LAMA3: variants seen among roughly 807,000 people sequenced by gnomAD.
LAMA3 encodes laminin subunit alpha 3, also known as laminin subunit alpha-3.
A neutral mutation model predicts 402.0 loss-of-function variants in LAMA3; 281 were observed. The observed-to-expected ratio is 0.70, with a 90% CI of 0.63 to 0.77. The LOEUF (loss-of-function observed/expected upper bound fraction) is 0.77, where lower values mean the gene tolerates loss of function less well. Ranked by LOEUF, LAMA3 falls within the 30% of genes least tolerant of loss-of-function variation. The pLI is 0.00. For missense variants in LAMA3, 3,840 were observed against 4,215.5 expected (o/e 0.91, Z 2.47); for synonymous variants, 1,431 against 1,558.4 (o/e 0.92, Z 1.93).
In LAMA3 at chr18:23,912,091, CAT is replaced by C. The variant is rs574839135; in HGVS notation, c.7159-615_7159-614del. Among the ~76,000 whole-genome samples, 29 of 141,164 alleles carry C rather than the reference CAT, an allele frequency of 2.1e-4. No homozygotes were observed. In the South Asian group the frequency reaches 6.1e-3, roughly 30 times the overall value. 92.6% of individuals were successfully genotyped at this position (141,164 alleles called of 152,430 possible). A position where few individuals can be genotyped will look rare whatever the true frequency, so the allele number is the denominator to read the frequency against. The stretch of plus-strand genomic sequence containing the variant: ...ATTTTATATATTTAATATATAAATG[CAT>C]ATATTTAAAAATATATATCTATATA... On this transcript the variant is annotated intron_variant, in intron 55 of 74. Transcript: ENST00000313654.
chr18:23,783,734 A>G (rs1422811540), intron 11 of LAMA3, among the ~76,000 whole-genome samples: 1 of 152,200 alleles, frequency 6.6e-6, no homozygotes, highest in Non-Finnish European at 1.5e-5. Context: ...TATACTTTAC[A>G]AAGCTCGGCT....
intron 8 of LAMA3, among the ~76,000 whole-genome samples, chr18:23,770,081 C>T (rs544095595): frequency 6.6e-6 from 1 of 152,066 alleles, no homozygotes; most frequent in African/African-American, 2.4e-5. Context: ...AACAATAGAG[C>T]TTTAAAATAC....
intron 1 of LAMA3, among the ~76,000 whole-genome samples, chr18:23,706,600 C>T (rs1222646482): frequency 1.3e-5 from 2 of 152,138 alleles, no homozygotes; most frequent in African/African-American, 4.8e-5. Context: ...TGTGTTTCCT[C>T]TTCTGTGAAA....
At position 23,921,148 on chromosome 18, in the gene LAMA3, A is replaced by G. The variant is rs538839479; in HGVS notation, c.8043+94A>G. 5.2e-3 allele frequency: 7,094 copies of G among 1,365,782 alleles called. 38 individuals carry two copies. The highest frequency in any genetic ancestry group is 0.016 in the Middle Eastern group (87 of 5,532). The allele number at this position is 1,365,782 out of a possible 1,614,324, so 84.6% of individuals were successfully genotyped here. ...CCCAAATAAATAAATAAAACTTCCTATTACCAGATAAACTTATGGATGTTA... is the reference window on the plus strand; with the variant it reads ...CCCAAATAAATAAATAAAACTTCCTGTTACCAGATAAACTTATGGATGTTA... On this transcript the variant is annotated intron_variant, in intron 61 of 74. Coordinates refer to ENST00000313654, the MANE Select transcript of LAMA3 (RefSeq NM_198129.4).
chr18:23,810,675 C>T (rs1483560639), intron 13 of LAMA3, among the ~76,000 whole-genome samples, 172 bp downstream of exon 13: 1 of 152,128 alleles, frequency 6.6e-6, no homozygotes, highest in Non-Finnish European at 1.5e-5. Flanking sequence ...GGTTTGAAAA[C>T]ACGTATATCA....
intron 59 of LAMA3, 143 bp downstream of exon 59, chr18:23,915,565 C>A: frequency 1.3e-6 from 1 of 755,168 alleles, no homozygotes; most frequent in Non-Finnish European, 2.3e-6. Flanking sequence ...AGTATGTGTG[C>A]ATGCAACACT....
chr18:23,919,294 TAAGGAACTGTGTAAAAGCA>T (rs1266767852), intron 60 of LAMA3, among the ~76,000 whole-genome samples: 14 of 152,156 alleles, frequency 9.2e-5, no homozygotes, highest in Admixed American at 2.0e-4. Context: ...TTCTTATCAT[TAAGGAACTGTGTAAAAGCA>T]AAGCCTTCAA....
chr18:23,898,775 A>T lies in LAMA3; in HGVS notation c.5651A>T (p.His1884Leu), dbSNP rs1471588614. 6.2e-7 allele frequency: 1 copy of T among 1,612,040 alleles called. No individual in the cohort carries two copies. The highest frequency in any genetic ancestry group is 1.1e-5 in the South Asian group (1 of 91,028). ...LLNYRSAISN[H>L]GSKIEGLERE... is the part of the protein sequence containing the mutation. Reference sequence around the variant, plus strand: ...AACTACCGTTCTGCCATTTCAAATCATGGATCAAAAATAGAAGGCCTGGAA... The same window carrying T: ...AACTACCGTTCTGCCATTTCAAATCTTGGATCAAAAATAGAAGGCCTGGAA... Residue 1884 changes from histidine (H) to leucine (L), a missense_variant, in exon 45 of 75, where the codon CAT (histidine) becomes CTT (leucine). This residue lies in a region of LAMA3 where 891 missense variants were observed against 857.5 expected (regional missense o/e 1.04). Transcript: ENST00000313654.
intron 1 of LAMA3, among the ~76,000 whole-genome samples, chr18:23,711,438 C>T (rs1262746067): frequency 6.6e-6 from 1 of 152,160 alleles, no homozygotes. Flanking sequence ...TGCAGAGGGA[C>T]TGCTATATCA....
Position 23,867,875 on chromosome 18 carries a change from ACGGCCAGAC to A in LAMA3, c.4730_4738del (p.Pro1577_Arg1579del). On this transcript the variant is annotated inframe_deletion, in exon 37 of 75. Transcript: ENST00000313654. ...TCATCTATGAGGAGACAAACACCCCACGGCCAGACCGGCTGCATCATGGACGAGTGCACG... is the reference window on the plus strand; with the variant it reads ...TCATCTATGAGGAGACAAACACCCCACGGCTGCATCATGGACGAGTGCACG... 1 of 1,614,102 alleles carries A rather than the reference ACGGCCAGAC, an allele frequency of 6.2e-7. No homozygotes were observed.
chr18:23,810,855 C>T (rs1014326116), intron 13 of LAMA3, among the ~76,000 whole-genome samples: 3 of 152,106 alleles, frequency 2.0e-5, no homozygotes, highest in East Asian at 1.9e-4. Context: ...TCTTCTGTCC[C>T]GAGGCATCAT....
chr18:23,749,401 T>C, intron 3 of LAMA3, 27 bp from the exon 4 acceptor site: 1 of 1,142,246 alleles, frequency 8.8e-7, no homozygotes. Context: ...TATTTTGTTT[T>C]ATAATATTAA....
Position 23,839,688 on chromosome 18 carries a change from T to C in LAMA3, c.3192-97T>C. 1 of 1,289,474 alleles carries C rather than the reference T, an allele frequency of 7.8e-7. No individual in the cohort carries two copies. Among genetic ancestry groups the C allele is most frequent in the Middle Eastern group, 2.0e-4 (1 of 5,078 alleles). The allele number at this position is 1,289,474 out of a possible 1,614,324, so 79.9% of individuals were successfully genotyped here. ...CAGCACTGGATCCTTTTGATGCCCA[T>C]GCAGTCCTATGCTCCAAGTCTGTCT... On this transcript the variant is annotated intron_variant, in intron 26 of 74. Transcript: ENST00000313654. The surrounding 1 kb of genome is among the most constrained non-coding windows in gnomAD (Gnocchi z 4.5).
chr18:23,894,938 C>A lies in LAMA3; in HGVS notation c.5493C>A (p.Asn1831Lys). 2 of 1,614,212 alleles carry A rather than the reference C, an allele frequency of 1.2e-6. No individual in the cohort carries two copies. The highest frequency in any genetic ancestry group is 8.5e-7 in the Non-Finnish European group (1 of 1,180,040). ...DCDSCVMTLL[N>K]DLATMGEQLR... is the part of the protein sequence containing the mutation. ...ACAGCTGTGTGATGACCCTCCTGAA[C>A]GACCTGGCCACCATGGGCGAGCAGC... is the stretch of plus-strand genomic sequence containing the variant. Residue 1831 changes from asparagine (N) to lysine (K), a missense_variant, in exon 44 of 75, where the codon AAC (asparagine) becomes AAA (lysine). Physicochemically the swap from Asn to Lys is moderately conservative, Grantham distance 94. This residue lies in a region of LAMA3 where 891 missense variants were observed against 857.5 expected (regional missense o/e 1.04). Transcript: ENST00000313654.
chr18:23,907,415 G>T, intron 52 of LAMA3, 135 bp from the exon 53 acceptor site: 2 of 751,284 alleles, frequency 2.7e-6, no homozygotes, highest in African/African-American at 3.4e-5. Context: ...CATGCAGTGG[G>T]CATCTCTGAG....
intron 2 of LAMA3, among the ~76,000 whole-genome samples, chr18:23,734,961 G>C (rs901673867): frequency 6.6e-6 from 1 of 152,168 alleles, no homozygotes; most frequent in African/African-American, 2.4e-5. Context: ...CTTAGTCCCT[G>C]GGCAATTGAA....
intron 11 of LAMA3, 67 bp from the exon 12 acceptor site, chr18:23,783,956 G>A: frequency 6.3e-7 from 1 of 1,581,102 alleles, no homozygotes; most frequent in Non-Finnish European, 8.7e-7. Context: ...GAAACCTAGG[G>A]GAAGGGAGAA....
At chr18:23,853,938 A>G (rs1440022315) in intron 32 of LAMA3, among the ~76,000 whole-genome samples, 1 of 152,250 alleles carries the variant, frequency 6.6e-6, no homozygotes, top group Non-Finnish European at 1.5e-5. Context: ...GGCAACACCA[A>G]AAACTGTCTT....
chr18:23,753,768 C>T lies in LAMA3; in HGVS notation c.903C>T (p.Cys301=), dbSNP rs773855908. 6.2e-7 allele frequency: 1 copy of T among 1,613,914 alleles called. No individual in the cohort carries two copies. Among genetic ancestry groups the T allele is most frequent in the Non-Finnish European group, 8.5e-7 (1 of 1,179,826 alleles). Residue 301 remains cysteine, a synonymous_variant, in exon 6 of 75, where the codon TGC becomes TGT. Transcript: ENST00000313654. ...KDISIGGQCV[C]NGHAEVCNIN... ...TCAGCATTGGTGGGCAGTGTGTTTG[C>T]AATGGCCATGCTGAAGTGTGCAATA...
Sources: allele counts gnomAD v4.1 joint callset (sites outside exome capture counted in the v4.1 genomes callset), GRCh38; gene constraint gnomAD v4.1.1; regional missense constraint gnomAD v4.1.1; non-coding constraint Gnocchi (gnomAD v3.1); transcripts MANE v1.5; gene names NCBI Gene and HGNC (gene_info 2026-07-23, HGNC 2026-07-21).